Variants in HNRNPU observed in about 807,000 individuals in gnomAD.
HNRNPU encodes HNRNPU antisense RNA 1.
In HNRNPU, 5 loss-of-function variants were observed where a neutral mutation model predicts 94.7. That is an observed-to-expected ratio of 0.05 (90% CI 0.03 to 0.11). The LOEUF (loss-of-function observed/expected upper bound fraction) is 0.11. Ranked by LOEUF, HNRNPU falls within the 10% of genes least tolerant of loss-of-function variation. HNRNPU has a pLI of 1.00. For synonymous variants in HNRNPU, 434 were observed against 381.6 expected, an observed-to-expected ratio of 1.14 and a Z score of -1.60; for missense variants, 710 against 1,049.2, an observed-to-expected ratio of 0.68 and a Z score of 4.47.
At position 244,854,310 on chromosome 1, in the gene HNRNPU, C is replaced by A. The variant is rs1030832489; in HGVS notation, c.*140G>T. 4 of 657,634 alleles carry A rather than the reference C, an allele frequency of 6.1e-6. No homozygotes were observed. The African/African-American group carries it at 7.4e-5, about 12-fold the overall frequency. The allele number at this position is 657,634 out of a possible 1,614,324, so 40.7% of individuals were successfully genotyped here. A position where few individuals can be genotyped will look rare whatever the true frequency, so the allele number is the denominator to read the frequency against. On this transcript the variant is annotated 3_prime_UTR_variant, in exon 14 of 14. Transcript: ENST00000640218. ...GTACAAAAAAGAAAAGAAAAAAAAT[C>A]AACCCACAAAGCTTCTAAAAAAGGA... is the stretch of plus-strand genomic sequence containing the variant.
rs1347499063 is a variant in HNRNPU, at chr1:244,863,971, C to A, written c.337G>T (p.Ala113Ser). ...QMELGEENGA[A>S]GAADSGPMEE... ...ATCGGGCCCGAGTCGGCCGCCCCCGCGGCCCCGTTCTCCTCTCCTAGCTCC... is the reference window on the plus strand; with the variant it reads ...ATCGGGCCCGAGTCGGCCGCCCCCGAGGCCCCGTTCTCCTCTCCTAGCTCC... The change falls in exon 1 of 14, where the codon GCG (alanine) becomes TCG (serine). Residue 113 changes from alanine to serine, a missense_variant. By Grantham distance (99) the Ala-to-Ser change is moderately conservative. Coordinates refer to ENST00000640218, the MANE Select transcript of HNRNPU (RefSeq NM_031844.3). The A allele has an allele frequency of 6.2e-7, 1 of 1,613,632 alleles. No homozygotes were observed. The highest frequency in any genetic ancestry group is 8.5e-7 in the Non-Finnish European group (1 of 1,179,904).
rs1680580931 is a variant in HNRNPU, at chr1:244,852,732, T to G, written c.*1718A>C. The G allele has an allele frequency of 6.6e-6, 1 of 152,188 alleles. No homozygotes were observed. Among genetic ancestry groups the G allele is most frequent in the African/African-American group, 2.4e-5 (1 of 41,454 alleles). 9.4% of individuals were successfully genotyped at this position (152,188 alleles called of 1,614,324 possible). A position where few individuals can be genotyped will look rare whatever the true frequency, so the allele number is the denominator to read the frequency against. On this transcript the variant is annotated 3_prime_UTR_variant, in exon 14 of 14. Coordinates refer to ENST00000640218, the MANE Select transcript of HNRNPU (RefSeq NM_031844.3). Reference sequence around the variant, plus strand: ...AAGAAAATTCCTTAGAAGTATGAATTCATATTTATGATCTGATTTTAAAGG... The same window carrying G: ...AAGAAAATTCCTTAGAAGTATGAATGCATATTTATGATCTGATTTTAAAGG...
At position 244,852,540 on chromosome 1, in the gene HNRNPU, C is replaced by T. The variant is rs1392203944; in HGVS notation, c.*1910G>A. ...GTCTATGCAATCCTAATAATGTATA[C>T]TGAAGAGTAGTAGCTCAGGCCAGTG... On this transcript the variant is annotated 3_prime_UTR_variant, in exon 14 of 14. Transcript: ENST00000640218. 6.6e-6 allele frequency: 1 copy of T among 152,156 alleles called. No individual in the cohort carries two copies. The highest frequency in any genetic ancestry group is 1.5e-5 in the Non-Finnish European group (1 of 68,016). 9.4% of individuals were successfully genotyped at this position (152,156 alleles called of 1,614,324 possible). A position where few individuals can be genotyped will look rare whatever the true frequency, so the allele number is the denominator to read the frequency against.
At position 244,863,750 on chromosome 1, in the gene HNRNPU, C is replaced by T. The variant is rs1680922008; in HGVS notation, c.558G>A (p.Lys186=). ...QRGAAKEAAG[K]SSGPTSLFAV... ...CGAACAGCGAGGTGGGGCCGCTGCTCTTCCCCGCGGCCTCCTTGGCGGCCC... is the reference window on the plus strand; with the variant it reads ...CGAACAGCGAGGTGGGGCCGCTGCTTTTCCCCGCGGCCTCCTTGGCGGCCC... The change falls in exon 1 of 14, where the codon AAG becomes AAA. Residue 186 remains lysine, a synonymous_variant. Coordinates refer to ENST00000640218, the MANE Select transcript of HNRNPU (RefSeq NM_031844.3). The T allele has an allele frequency of 1.3e-6, 2 of 1,583,476 alleles. No homozygotes were observed. Among genetic ancestry groups the T allele is most frequent in the Non-Finnish European group, 1.7e-6 (2 of 1,168,408 alleles).
chr1:244,858,620 T>C, intron 6 of HNRNPU, 109 bp downstream of exon 6: 2 of 678,362 alleles, frequency 2.9e-6, no homozygotes, highest in South Asian at 3.4e-5. Flanking sequence ...CAGGGACTGG[T>C]GTATTTTGTT....
intron 13 of HNRNPU, chr1:244,854,770 TAA>T: frequency 2.0e-6 from 1 of 503,202 alleles, no homozygotes; most frequent in Non-Finnish European, 3.5e-6. Context: ...ATTACTTTAT[TAA>T]AAAAATTTAA....
Position 244,864,379 on chromosome 1 carries a change from TGCTGCGGCTGCTCCTCGGCCCGGGCGGCG to T in HNRNPU, c.-101_-73del. The T allele has an allele frequency of 1.2e-5, 19 of 1,584,200 alleles. No individual in the cohort carries two copies. Among genetic ancestry groups the T allele is most frequent in the South Asian group, 4.6e-5 (4 of 87,544 alleles). On this transcript the variant is annotated 5_prime_UTR_variant, in exon 1 of 14. Transcript: ENST00000640218. ...CGCTCACTCGGCCACTGGTGGCGGC[TGCTGCGGCTGCTCCTCGGCCCGGGCGGCG>T]GCTGCGGCTGCGGCTGGAGATGGGT...
intron 8 of HNRNPU, 94 bp from the exon 9 acceptor site, chr1:244,856,950 A>C: frequency 9.9e-7 from 1 of 1,008,914 alleles, no homozygotes; most frequent in Non-Finnish European, 1.5e-6. Flanking sequence ...TAAAGCAGGC[A>C]ACATTTTATA....
chr1:244,859,254 T>C (rs1320093600), intron 5 of HNRNPU, 21 bp downstream of exon 5: 1 of 1,241,316 alleles, frequency 8.1e-7, no homozygotes, highest in Admixed American at 1.7e-5. Flanking sequence ...TGAGCCCACA[T>C]CAGTCAAAAA....
chr1:244,864,317 C>T lies in HNRNPU; in HGVS notation c.-10G>A, dbSNP rs768226416. ...CAGGCGAGGAACTCATGGTGAGGGCCCCGATTCACCGCTAGGCGCTGCCTC... is the reference window on the plus strand; with the variant it reads ...CAGGCGAGGAACTCATGGTGAGGGCTCCGATTCACCGCTAGGCGCTGCCTC... On this transcript the variant is annotated 5_prime_UTR_variant, in exon 1 of 14. Coordinates refer to ENST00000640218, the MANE Select transcript of HNRNPU (RefSeq NM_031844.3). 8 of 1,611,952 alleles carry T rather than the reference C, an allele frequency of 5.0e-6. No individual in the cohort carries two copies. Among genetic ancestry groups the T allele is most frequent in the African/African-American group, 1.3e-5 (1 of 74,928 alleles).
chr1:244,855,974 C>T lies in HNRNPU; in HGVS notation c.2097G>A (p.Gln699=). ...CTCTATGGCCACCACCTCTGTTAAA[C>T]TGGTTCTTGCCACTCTTATTTTTAT... ...KSNKNKSGKN[Q]FNRGGGHRGR... is the part of the protein sequence containing the mutation. Residue 699 remains glutamine (Q), a synonymous_variant, in exon 11 of 14, where the codon CAG becomes CAA. Transcript: ENST00000640218. 6.2e-7 allele frequency: 1 copy of T among 1,614,144 alleles called. No individual in the cohort carries two copies. The highest frequency in any genetic ancestry group is 8.5e-7 in the Non-Finnish European group (1 of 1,179,986).
At chr1:244,855,109 G>A (rs1317569935) in intron 12 of HNRNPU, 65 bp from the exon 13 acceptor site, 5 of 1,291,606 alleles carry the variant, frequency 3.9e-6, no homozygotes, top group Non-Finnish European at 3.4e-6. Context: ...GTGGGGGTGA[G>A]AGAGAGGAGC....
chr1:244,862,219 G>C (rs1193408719), intron 3 of HNRNPU: 1 of 407,050 alleles, frequency 2.5e-6, no homozygotes, highest in Non-Finnish European at 4.4e-6. Context: ...CATTTCCTAA[G>C]AATGAGAACT....
At chr1:244,858,340 T>C (rs548867951) in intron 6 of HNRNPU, 66 bp from the exon 7 acceptor site, 30 of 1,447,350 alleles carry the variant, frequency 2.1e-5, no homozygotes, top group African/African-American at 1.3e-4. Flanking sequence ...AAACTAAGAA[T>C]TAAAATTAGG....
rs1362489038 is a variant in HNRNPU, at chr1:244,851,096, A to G, written c.*3354T>C. 6.6e-6 allele frequency: 1 copy of G among 152,216 alleles called. No individual in the cohort carries two copies. Among genetic ancestry groups the G allele is most frequent in the African/African-American group, 2.4e-5 (1 of 41,446 alleles). 9.4% of individuals were successfully genotyped at this position (152,216 alleles called of 1,614,324 possible). ...AGTGCTAGGATTACAGGCGTGAGCC[A>G]CCACACCCAGCCAAGTTCCATCCAC... On this transcript the variant is annotated 3_prime_UTR_variant, in exon 14 of 14. Coordinates refer to ENST00000640218, the MANE Select transcript of HNRNPU (RefSeq NM_031844.3).
chr1:244,860,485 A>G lies in HNRNPU; in HGVS notation c.878-11T>C. 2.5e-6 allele frequency: 4 copies of G among 1,580,902 alleles called. No homozygotes were observed. Among genetic ancestry groups the G allele is most frequent in the Non-Finnish European group, 3.5e-6 (4 of 1,150,524 alleles). ...GTAGATCACAATTATCTGTAATTAT[A>G]TCAAATACTGTGTTACTTTTGACAT... On this transcript the variant is annotated splice_polypyrimidine_tract_variant and intron_variant, in intron 3 of 13. Coordinates refer to ENST00000640218, the MANE Select transcript of HNRNPU (RefSeq NM_031844.3).
At position 244,855,933 on chromosome 1, in the gene HNRNPU, T is replaced by C. The variant is rs200887441; in HGVS notation, c.2138A>G (p.Asn713Ser). 44 of 1,614,036 alleles carry C rather than the reference T, an allele frequency of 2.7e-5. No homozygotes were observed. The highest frequency in any genetic ancestry group is 6.7e-5 in the East Asian group (3 of 44,846). Residue 713 changes from asparagine (N) to serine (S), a missense_variant, in exon 11 of 14, where the codon AAT (asparagine) becomes AGT (serine). Transcript: ENST00000640218. ...TCCTCTGAAATTTCCACCACGCATATTGAATCCTCCACGTCCTCTATGGCC... is the reference window on the plus strand; with the variant it reads ...TCCTCTGAAATTTCCACCACGCATACTGAATCCTCCACGTCCTCTATGGCC... Reference protein sequence around the residue: ...GGGHRGRGGFNMRGGNFRGGA... With the variant: ...GGGHRGRGGFSMRGGNFRGGA...
At position 244,860,561 on chromosome 1, in the gene HNRNPU, G is replaced by C. The variant is rs1680799402; in HGVS notation, c.878-87C>G. 5.8e-6 allele frequency: 6 copies of C among 1,042,168 alleles called. No homozygotes were observed. In the Admixed American group the frequency reaches 9.7e-5, roughly 17 times the overall value. 64.6% of individuals were successfully genotyped at this position (1,042,168 alleles called of 1,614,324 possible). A position where few individuals can be genotyped will look rare whatever the true frequency, so the allele number is the denominator to read the frequency against. On this transcript the variant is annotated intron_variant, in intron 3 of 13. Transcript: ENST00000640218. ...GACAAAACTTGGTTACTTAATTTTT[G>C]CATGTACTTCTTAATGCTGCACAAC...
rs1162976913 is a variant in HNRNPU, at chr1:244,864,458, G to C, written c.-151C>G. Reference sequence around the variant, plus strand: ...TTCGTGCTGCAGAGCGGATCCGCCTGGTGTCGAACGGCGCCAATTCCTTTC... The same window carrying C: ...TTCGTGCTGCAGAGCGGATCCGCCTCGTGTCGAACGGCGCCAATTCCTTTC... On this transcript the variant is annotated 5_prime_UTR_variant, in exon 1 of 14. Transcript: ENST00000640218. The C allele has an allele frequency of 7.6e-7, 1 of 1,324,300 alleles. No homozygotes were observed. Among genetic ancestry groups the C allele is most frequent in the East Asian group, 2.6e-5 (1 of 37,764 alleles). 82.0% of individuals were successfully genotyped at this position (1,324,300 alleles called of 1,614,324 possible). A position where few individuals can be genotyped will look rare whatever the true frequency, so the allele number is the denominator to read the frequency against.
Sources: allele counts gnomAD v4.1 joint callset, GRCh38; gene constraint gnomAD v4.1.1; transcripts MANE v1.5; gene names NCBI Gene and HGNC (gene_info 2026-07-23, HGNC 2026-07-21).